Variants in FSD1L observed in about 807,000 individuals in gnomAD.
FSD1L encodes fibronectin type III and SPRY domain containing 1 like.
FSD1L carries 45 observed loss-of-function variants against 71.6 expected under a neutral mutation model. The observed-to-expected ratio is 0.63, with a 90% CI of 0.49 to 0.81. FSD1L has a LOEUF of 0.81. Ranked by LOEUF, FSD1L falls within the 30% of genes least tolerant of loss-of-function variation. The pLI is 0.00. For synonymous variants in FSD1L, 197 were observed against 207.2 expected (o/e 0.95, Z 0.42); for missense variants, 561 against 618.1 (o/e 0.91, Z 0.98).
At chr9:105,542,266 T>C (rs538798468) in intron 13 of FSD1L, among the ~76,000 whole-genome samples, 6 of 152,304 alleles carry the variant, frequency 3.9e-5, no homozygotes, top group East Asian at 3.9e-4. Flanking sequence ...TTATTTGATA[T>C]TACCAGATTT....
At chr9:105,479,243 C>A (rs1007181091) in intron 5 of FSD1L, 111 bp from the exon 6 acceptor site, 2 of 866,556 alleles carry the variant, frequency 2.3e-6, no homozygotes, top group African/African-American at 1.7e-5. Context: ...TGAATATGAA[C>A]TAATCTGTTG....
chr9:105,479,626 A>C (rs1260891175), intron 6 of FSD1L, among the ~76,000 whole-genome samples: 2 of 152,214 alleles, frequency 1.3e-5, no homozygotes, highest in African/African-American at 4.8e-5. Flanking sequence ...AGTTAGTTTT[A>C]GTTTTAGAAC....
At chr9:105,539,969 T>G (rs1836503967) in intron 13 of FSD1L, among the ~76,000 whole-genome samples, 1 of 152,148 alleles carries the variant, frequency 6.6e-6, no homozygotes, top group African/African-American at 2.4e-5. Context: ...TCATATCTTT[T>G]GATAAATGTA....
chr9:105,497,396 TTC>T (rs1320472276), intron 7 of FSD1L, among the ~76,000 whole-genome samples: 1 of 152,250 alleles, frequency 6.6e-6, no homozygotes, highest in African/African-American at 2.4e-5. Context: ...TTAGGAAGTA[TTC>T]TCTCTATTTT....
At chr9:105,449,479 A>G (rs1829852772) in intron 1 of FSD1L, among the ~76,000 whole-genome samples, 2 of 152,238 alleles carry the variant, frequency 1.3e-5, no homozygotes, top group Admixed American at 1.3e-4. Flanking sequence ...GGACATTAGC[A>G]GAGGTCAAGT....
intron 4 of FSD1L, among the ~76,000 whole-genome samples, chr9:105,471,326 G>C (rs1831442231): frequency 6.6e-6 from 1 of 152,098 alleles, no homozygotes. Context: ...ATTGATATCT[G>C]TTGTTTGTCG....
chr9:105,492,538 G>T (rs1020798944), intron 7 of FSD1L, among the ~76,000 whole-genome samples: 21 of 151,812 alleles, frequency 1.4e-4, no homozygotes, highest in African/African-American at 3.1e-4. Context: ...TTGCCTTCTG[G>T]TAGCTTTTGA....
Position 105,448,215 on chromosome 9 carries a change from C to G in FSD1L, c.-6C>G. 6.5e-7 allele frequency: 1 copy of G among 1,540,200 alleles called. No individual in the cohort carries two copies. The highest frequency in any genetic ancestry group is 1.2e-5 in the South Asian group (1 of 83,834). On this transcript the variant is annotated 5_prime_UTR_variant, in exon 1 of 14. Transcript: ENST00000481272. The stretch of plus-strand genomic sequence containing the variant: ...GGTTCGAGCCCAGTGGGCTTAGCCA[C>G]TCGCCATGGACTCCCAGAAAGTAAG...
chr9:105,492,044 T>A (rs1044890830), intron 7 of FSD1L, among the ~76,000 whole-genome samples: 2 of 149,364 alleles, frequency 1.3e-5, no homozygotes, highest in African/African-American at 5.1e-5. Context: ...CCTTCTTTTT[T>A]ATTGATTGGA....
chr9:105,495,762 G>T (rs1833344343), intron 7 of FSD1L, among the ~76,000 whole-genome samples: 1 of 152,154 alleles, frequency 6.6e-6, no homozygotes, highest in South Asian at 2.1e-4. Flanking sequence ...AGATCACAAG[G>T]TCAGGAGATC....
At chr9:105,537,979 A>C (rs961438357) in intron 12 of FSD1L, among the ~76,000 whole-genome samples, 11 of 152,210 alleles carry the variant, frequency 7.2e-5, no homozygotes, top group African/African-American at 1.9e-4. Context: ...AGACAGTTGA[A>C]GATGACTTTG....
At chr9:105,527,515 C>T (rs1835587150) in intron 10 of FSD1L, among the ~76,000 whole-genome samples, 1 of 151,972 alleles carries the variant, frequency 6.6e-6, no homozygotes, top group Non-Finnish European at 1.5e-5. Flanking sequence ...ATAAGCTGCT[C>T]ACATTTTGTT....
chr9:105,533,367 A>T (rs1836022669), intron 10 of FSD1L, among the ~76,000 whole-genome samples: 1 of 144,030 alleles, frequency 6.9e-6, no homozygotes, highest in Admixed American at 7.2e-5. Context: ...AATGCTTGAT[A>T]ATACTTGATA....
intron 10 of FSD1L, chr9:105,526,117 C>T: frequency 1.3e-6 from 2 of 1,557,548 alleles, no homozygotes; most frequent in Non-Finnish European, 1.8e-6. Context: ...CTTTGGTCCC[C>T]TTTTTGATGG....
At chr9:105,452,121 C>G (rs936568918) in intron 1 of FSD1L, among the ~76,000 whole-genome samples, 1 of 124,782 alleles carries the variant, frequency 8.0e-6, no homozygotes, top group Non-Finnish European at 1.8e-5. Context: ...ACATGACAAC[C>G]TGCAACAAGT....
intron 10 of FSD1L, among the ~76,000 whole-genome samples, chr9:105,518,104 G>A (rs1834851906): frequency 6.6e-6 from 1 of 152,162 alleles, no homozygotes; most frequent in Non-Finnish European, 1.5e-5. Flanking sequence ...GCATCAAGAA[G>A]AGCTAACTAT....
At chr9:105,509,875 A>G (rs1417073566) in intron 9 of FSD1L, among the ~76,000 whole-genome samples, 2 of 152,240 alleles carry the variant, frequency 1.3e-5, no homozygotes, top group African/African-American at 2.4e-5. Context: ...CCATTTTAAA[A>G]TAATAGTCAT....
chr9:105,493,973 T>G lies in FSD1L; in HGVS notation c.586+9471T>G, dbSNP rs538569536. ...TCAACCTTGGTGAATCTGACAATTA[T>G]GTGTCTTGGAGTTGCTCTTCTTGAG... On this transcript the variant is annotated intron_variant, in intron 7 of 13. Coordinates refer to ENST00000481272, the MANE Select transcript of FSD1L (RefSeq NM_001145313.3). Among the ~76,000 whole-genome samples, 24 of 152,346 alleles carry G rather than the reference T, an allele frequency of 1.6e-4. No homozygotes were observed. In the South Asian group the frequency reaches 4.3e-3, roughly 28 times the overall value.
chr9:105,521,748 G>A (rs1392384282), intron 10 of FSD1L: 3 of 1,612,850 alleles, frequency 1.9e-6, no homozygotes, highest in Admixed American at 3.3e-5. Context: ...TTCCAGTTGG[G>A]CAAAAAACGG....
Sources: allele counts gnomAD v4.1 joint callset (sites outside exome capture counted in the v4.1 genomes callset), GRCh38; gene constraint gnomAD v4.1.1; transcripts MANE v1.5; gene names NCBI Gene and HGNC (gene_info 2026-07-23, HGNC 2026-07-21).